Variants in WNK2 observed in about 807,000 individuals in gnomAD.
The protein encoded by WNK2 is serine/threonine-protein kinase WNK2.
In WNK2, 67 loss-of-function variants were observed where a neutral mutation model predicts 192.1. The ratio of observed to expected loss-of-function variants is 0.35; its 90% confidence interval spans 0.29 to 0.43. The LOEUF is 0.43. WNK2 is among the 20% of genes least tolerant of loss of function. The pLI is 1.00. For synonymous variants in WNK2, 1,439 were observed against 1,393.9 expected (o/e 1.03, Z -0.72); for missense variants, 2,698 against 3,089.7 (o/e 0.87, Z 3.01).
chr9:93,262,176 C>T, intron 13 of WNK2, 69 bp downstream of exon 13: 1 of 1,492,288 alleles, frequency 6.7e-7, no homozygotes, highest in South Asian at 1.4e-5. Flanking sequence ...TGCATAGTGA[C>T]CTGGGGTCTT....
chr9:93,306,410 T>A (rs1229397079), intron 26 of WNK2, among the ~76,000 whole-genome samples: 2 of 152,072 alleles, frequency 1.3e-5, no homozygotes, highest in Non-Finnish European at 2.9e-5. Context: ...CCTGCCTCCA[T>A]CAGTGGGGCT....
chr9:93,306,964 G>C, intron 27 of WNK2, 143 bp downstream of exon 27: 1 of 973,232 alleles, frequency 1.0e-6, no homozygotes, highest in Non-Finnish European at 1.6e-6. Context: ...TCTCGGCCGG[G>C]CACTGCTTCG....
At chr9:93,216,134 G>A (rs533756452) in intron 2 of WNK2, among the ~76,000 whole-genome samples, 4 of 152,252 alleles carry the variant, frequency 2.6e-5, no homozygotes, top group Admixed American at 1.3e-4. Context: ...AAGCCTGCAC[G>A]TCTACCAAGG....
chr9:93,268,622 T>C lies in WNK2; in HGVS notation c.3914-5T>C, dbSNP rs750772516. The C allele has an allele frequency of 1.2e-6, 2 of 1,610,272 alleles. No homozygotes were observed. The highest frequency in any genetic ancestry group is 4.5e-5 in the East Asian group (2 of 44,698). ...TCAGCGTGCTGTTTCTGTTCTGCCC[T>C]TCAGTCCTGCACACCGGGAAGAGGT... On this transcript the variant is annotated splice_polypyrimidine_tract_variant and splice_region_variant and intron_variant, in intron 18 of 29. Transcript: ENST00000427277.
chr9:93,188,813 A>C (rs1587727874), intron 2 of WNK2, among the ~76,000 whole-genome samples: 1 of 151,590 alleles, frequency 6.6e-6, no homozygotes, highest in Non-Finnish European at 1.5e-5. Context: ...CTTCTACAAG[A>C]CCCTCCTCTA....
At chr9:93,205,673 GATTTT>G (rs1222674223) in intron 2 of WNK2, among the ~76,000 whole-genome samples, 1 of 152,268 alleles carries the variant, frequency 6.6e-6, no homozygotes, top group African/African-American at 2.4e-5. Flanking sequence ...ACTGCTGAGG[GATTTT>G]ATTTTATCTT....
chr9:93,205,258 G>A (rs1833145816), intron 2 of WNK2, among the ~76,000 whole-genome samples: 1 of 152,204 alleles, frequency 6.6e-6, no homozygotes, highest in African/African-American at 2.4e-5. Context: ...CACTTCCTGA[G>A]TTCAGGGCAT....
chr9:93,206,815 G>C (rs1369379215), intron 2 of WNK2, among the ~76,000 whole-genome samples: 1 of 152,192 alleles, frequency 6.6e-6, no homozygotes, highest in Non-Finnish European at 1.5e-5. Context: ...CTCTTGCCTC[G>C]TGTTTGTAGG....
Position 93,263,554 on chromosome 9 carries a change from G to A in WNK2, c.3411-12G>A, listed in dbSNP as rs1189220308. 13 of 1,610,810 alleles carry A rather than the reference G, an allele frequency of 8.1e-6. No homozygotes were observed. The African/African-American group carries it at 9.4e-5, about 12-fold the overall frequency. On this transcript the variant is annotated splice_polypyrimidine_tract_variant and intron_variant, in intron 14 of 29. Coordinates refer to ENST00000427277, the MANE Select transcript of WNK2 (RefSeq NM_006648.4). ...TCCTTTGGTGCCATTAATGTTCTTGGGTTTTGCTCAGCTATGGAGGTTCTG... is the reference window on the plus strand; with the variant it reads ...TCCTTTGGTGCCATTAATGTTCTTGAGTTTTGCTCAGCTATGGAGGTTCTG...
chr9:93,277,521 C>T (rs901157240), intron 19 of WNK2, among the ~76,000 whole-genome samples: 4 of 152,154 alleles, frequency 2.6e-5, no homozygotes, highest in African/African-American at 9.7e-5. Flanking sequence ...AGAAATATAT[C>T]ATTGGTAAAT....
intron 9 of WNK2, among the ~76,000 whole-genome samples, chr9:93,254,715 G>C (rs139635134): frequency 1.6e-3 from 240 of 152,286 alleles, no homozygotes; most frequent in Middle Eastern, 6.8e-3. Flanking sequence ...TGTAATCCTA[G>C]CATTTTGGGA....
chr9:93,315,858 G>A (rs764805573), intron 28 of WNK2: 5 of 151,000 alleles, frequency 3.3e-5, no homozygotes, highest in East Asian at 1.9e-4. Flanking sequence ...TCTGTGGTTT[G>A]TGTTTTCACT....
chr9:93,247,897 A>G lies in WNK2; in HGVS notation c.1834+63A>G. 6.7e-7 allele frequency: 1 copy of G among 1,484,798 alleles called. No homozygotes were observed. The highest frequency in any genetic ancestry group is 8.9e-7 in the Non-Finnish European group (1 of 1,117,512). 92.0% of individuals were successfully genotyped at this position (1,484,798 alleles called of 1,614,324 possible). On this transcript the variant is annotated intron_variant, in intron 8 of 29. Transcript: ENST00000427277. The surrounding 1 kb of genome is among the most constrained non-coding windows in gnomAD (Gnocchi z 5.2). ...CCCACCTACCCTGCAAAAACCAGCT[A>G]TTGGGCAAAGAAAAATGAAGTCCTC...
At chr9:93,227,525 G>A (rs1365143976) in intron 2 of WNK2, among the ~76,000 whole-genome samples, 2 of 152,048 alleles carry the variant, frequency 1.3e-5, no homozygotes, top group Non-Finnish European at 2.9e-5. Context: ...GTGTGCTGTT[G>A]GCCATTTCTG....
chr9:93,268,896 G>A (rs973558831), intron 19 of WNK2, 150 bp downstream of exon 19: 9 of 1,567,056 alleles, frequency 5.7e-6, no homozygotes, highest in Middle Eastern at 3.3e-4. Flanking sequence ...AGCCTGTGGG[G>A]CTGTGTTCCT....
intron 8 of WNK2, among the ~76,000 whole-genome samples, chr9:93,249,026 A>G (rs576589259): frequency 6.6e-6 from 1 of 152,326 alleles, no homozygotes; most frequent in South Asian, 2.1e-4. Flanking sequence ...TCATGTTGAG[A>G]TGGTTTGCCT....
intron 12 of WNK2, among the ~76,000 whole-genome samples, chr9:93,260,098 G>A (rs995304252): frequency 4.6e-5 from 7 of 152,332 alleles, no homozygotes; most frequent in South Asian, 2.1e-4. Context: ...CTGGCTGCAA[G>A]GGTGGTTATG....
intron 2 of WNK2, among the ~76,000 whole-genome samples, chr9:93,187,938 A>G (rs1829643287): frequency 6.6e-6 from 1 of 152,090 alleles, no homozygotes; most frequent in African/African-American, 2.4e-5. Flanking sequence ...CTCACTGAGC[A>G]GGGAAGGGTG....
intron 7 of WNK2, among the ~76,000 whole-genome samples, chr9:93,241,234 C>T (rs945273428): frequency 1.3e-5 from 2 of 152,182 alleles, no homozygotes; most frequent in African/African-American, 4.8e-5. Context: ...ATACGAAGGA[C>T]AGGAATGTCT....
Sources: gnomAD v4.1 joint callset for allele counts (sites outside exome capture counted in the v4.1 genomes callset) on GRCh38, gnomAD v4.1.1 for gene constraint, Gnocchi (gnomAD v3.1) non-coding constraint, MANE v1.5 for transcripts, NCBI Gene and HGNC (gene_info 2026-07-23, HGNC 2026-07-21) for gene names.